The following CCDC77 variants were observed in gnomAD, a reference collection of about 807,000 sequenced individuals.
CCDC77 encodes the protein coiled-coil domain containing 77.
A neutral mutation model predicts 66.8 loss-of-function variants in CCDC77; 56 were observed. The observed-to-expected ratio is 0.84, with a 90% CI of 0.68 to 1.05. The LOEUF is 1.05. Ranked by LOEUF, CCDC77 falls within the 50% of genes least tolerant of loss-of-function variation. The pLI, the probability that CCDC77 is intolerant of heterozygous loss-of-function variation, is 0.00. For missense variants in CCDC77, 570 were observed against 576.8 expected, an observed-to-expected ratio of 0.99 and a Z score of 0.12; for synonymous variants, 196 against 195.2, an observed-to-expected ratio of 1.00 and a Z score of -0.03.
At chr12:409,093 T>A (rs935937250) in intron 2 of CCDC77, among the ~76,000 whole-genome samples, 2 of 151,522 alleles carry the variant, frequency 1.3e-5, no homozygotes, top group Non-Finnish European at 2.9e-5. Context: ...TAGTCCCAGC[T>A]ACTTGGAAGG....
intron 5 of CCDC77, among the ~76,000 whole-genome samples, chr12:427,159 T>G (rs1413655605): frequency 6.6e-6 from 1 of 151,822 alleles, no homozygotes; most frequent in Admixed American, 6.6e-5. Flanking sequence ...GCAGGAGAAT[T>G]GCTTGAACCC....
intron 5 of CCDC77, among the ~76,000 whole-genome samples, chr12:422,637 G>A (rs1945425568): frequency 6.6e-6 from 1 of 152,206 alleles, no homozygotes; most frequent in African/African-American, 2.4e-5. Flanking sequence ...CATTATATGT[G>A]TGTACCACAT....
chr12:433,282 CACCAGAGAA>C lies in CCDC77; in HGVS notation c.783_791del (p.Arg263_Gln265del). The C allele has an allele frequency of 1.9e-6, 3 of 1,613,994 alleles. No individual in the cohort carries two copies. Among genetic ancestry groups the C allele is most frequent in the Non-Finnish European group, 2.5e-6 (3 of 1,179,994 alleles). On this transcript the variant is annotated inframe_deletion, in exon 9 of 13. Transcript: ENST00000239830. ...TCACCTTGAGGAAATACAAGTTCAGCACCAGAGAAATCAGAACAAAATCAAAGAGCTAAC... is the reference window on the plus strand; with the variant it reads ...TCACCTTGAGGAAATACAAGTTCAGCATCAGAACAAAATCAAAGAGCTAAC...
chr12:409,264 A>C, intron 2 of CCDC77, 104 bp from the exon 3 acceptor site: 1 of 799,342 alleles, frequency 1.3e-6, no homozygotes, highest in South Asian at 1.6e-5. Flanking sequence ...GATTCTTTCC[A>C]AGAAGCAAAT....
intron 12 of CCDC77, 91 bp downstream of exon 12, chr12:441,087 G>T: frequency 7.4e-7 from 1 of 1,349,138 alleles, no homozygotes; most frequent in Non-Finnish European, 1.0e-6. Flanking sequence ...AGGATGTGCT[G>T]TTTCCCTGCT....
upstream of CCDC77, among the ~76,000 whole-genome samples, chr12:401,227 C>T (rs1591956676): frequency 1.3e-5 from 2 of 152,188 alleles, no homozygotes; most frequent in African/African-American, 4.8e-5. Context: ...CTAGGCCACC[C>T]GGTCATGGAA....
chr12:441,744 T>G, intron 12 of CCDC77, 30 bp from the exon 13 acceptor site: 1 of 1,552,162 alleles, frequency 6.4e-7, no homozygotes, highest in African/African-American at 1.5e-5. Flanking sequence ...CATCATCATT[T>G]CTTTTTTTTT....
intron 5 of CCDC77, 55 bp downstream of exon 5, chr12:418,691 A>G: frequency 6.7e-7 from 1 of 1,493,938 alleles, no homozygotes. Flanking sequence ...ACATTCATTC[A>G]TTCATTCATT....
At chr12:416,369 G>T (rs1265486268) in intron 4 of CCDC77, among the ~76,000 whole-genome samples, 1 of 29,330 alleles carries the variant, frequency 3.4e-5, no homozygotes, top group South Asian at 1.3e-3. Flanking sequence ...GTGTGTGTGT[G>T]TGTGTGTGTA....
chr12:407,142 AAAC>A (rs1462444676), intron 2 of CCDC77, among the ~76,000 whole-genome samples: 2 of 152,226 alleles, frequency 1.3e-5, no homozygotes, highest in African/African-American at 2.4e-5. Context: ...CCTGTATCTA[AAAC>A]AACAAAAGCA....
chr12:409,292 G>A (rs1226565508), intron 2 of CCDC77, 76 bp from the exon 3 acceptor site: 1 of 966,546 alleles, frequency 1.0e-6, no homozygotes, highest in Non-Finnish European at 1.7e-6. Context: ...TGTTGAAGAG[G>A]GAACCAGTCT....
In CCDC77 at chr12:438,014, C is replaced by T. The variant is rs377717214; in HGVS notation, c.822-321C>T. Among the ~76,000 whole-genome samples, 12 of 152,202 alleles carry T rather than the reference C, an allele frequency of 7.9e-5. No individual in the cohort carries two copies. The South Asian group carries it at 2.5e-3, about 32-fold the overall frequency. On this transcript the variant is annotated intron_variant, in intron 9 of 12. Transcript: ENST00000239830. ...TGATTTAGTTCTTCCTTGTCTTATT[C>T]CTAGGAATGGTCCATAGTTAACGCA... is the stretch of plus-strand genomic sequence containing the variant.
chr12:428,689 A>AT (rs1945583877), intron 5 of CCDC77, 80 bp from the exon 6 acceptor site: 7 of 887,342 alleles, frequency 7.9e-6, no homozygotes, highest in Non-Finnish European at 1.0e-5. Context: ...AAAAAAATAG[A>AT]AGGGAGATCC....
intron 9 of CCDC77, among the ~76,000 whole-genome samples, chr12:434,414 G>A (rs986398517): frequency 1.3e-5 from 2 of 150,456 alleles, no homozygotes; most frequent in Non-Finnish European, 3.0e-5. Flanking sequence ...GTGCAGTGGC[G>A]TGATCCCGGT....
At chr12:426,895 T>G (rs774143256) in intron 5 of CCDC77, among the ~76,000 whole-genome samples, 15 of 151,216 alleles carry the variant, frequency 9.9e-5, no homozygotes, top group Non-Finnish European at 1.9e-4. Flanking sequence ...ACCATGAATA[T>G]CTACTCTGTG....
intron 4 of CCDC77, among the ~76,000 whole-genome samples, chr12:415,695 C>T (rs762110472): frequency 3.0e-4 from 45 of 151,796 alleles, no homozygotes; most frequent in Non-Finnish European, 4.3e-4. Context: ...TGCAGTGGTG[C>T]GATCATAGCT....
intron 2 of CCDC77, 65 bp downstream of exon 2, chr12:405,629 AG>A (rs1944977029): frequency 6.6e-6 from 1 of 152,196 alleles, no homozygotes. Context: ...GCGTATTTGA[AG>A]GGTTGGCTGT....
At chr12:397,665 G>A (rs1475952124), upstream of CCDC77, among the ~76,000 whole-genome samples, 1 of 127,568 alleles carries the variant, frequency 7.8e-6, no homozygotes, top group African/African-American at 3.0e-5. Flanking sequence ...TTTTTTTTTT[G>A]AGACAGAGTC....
At chr12:394,077 TTTA>T (rs1391937967) in intron 1 of CCDC77, among the ~76,000 whole-genome samples, 1 of 152,164 alleles carries the variant, frequency 6.6e-6, no homozygotes, top group African/African-American at 2.4e-5. Context: ...AAGCTCAAAT[TTTA>T]TTATTGCCAA....
Sources: gnomAD v4.1 joint callset for allele counts (sites outside exome capture counted in the v4.1 genomes callset) on GRCh38, gnomAD v4.1.1 for gene constraint, MANE v1.5 for transcripts, NCBI Gene and HGNC (gene_info 2026-07-23, HGNC 2026-07-21) for gene names.